The following PDE8B variants were observed in gnomAD, a reference collection of about 807,000 sequenced individuals.
The protein encoded by PDE8B is high affinity cAMP-specific and IBMX-insensitive 3',5'-cyclic phosphodiesterase 8B.
Under a neutral mutation model 101.3 loss-of-function variants are expected in PDE8B, and 26 were observed. The ratio of observed to expected loss-of-function variants is 0.26; its 90% CI spans 0.19 to 0.36. The LOEUF (loss-of-function observed/expected upper bound fraction) is 0.36. Among genes scored for constraint, PDE8B ranks in the 10% least tolerant of loss-of-function variants. The probability of loss-of-function intolerance (pLI) is 1.00; values close to 1 mark genes in which losing one functional copy is unlikely to be tolerated. For synonymous variants in PDE8B, 424 were observed against 429.3 expected (o/e 0.99, Z 0.15); for missense variants, 810 against 1,163.1 (o/e 0.70, Z 4.42).
intron 1 of PDE8B, among the ~76,000 whole-genome samples, chr5:77,241,761 T>C (rs1291257006): frequency 6.6e-6 from 1 of 152,230 alleles, no homozygotes; most frequent in Non-Finnish European, 1.5e-5. Flanking sequence ...TGGGAAAATA[T>C]TAAAGCTGCA....
the PDE8B span, among the ~76,000 whole-genome samples, chr5:77,177,707 T>C: frequency 0.028 from 4,265 of 152,256 alleles, 205 homozygotes; most frequent in African/African-American, 0.098. Flanking sequence ...ACCACAACAG[T>C]AAAACTGACA....
chr5:77,260,724 A>C (rs1760402178), intron 1 of PDE8B, among the ~76,000 whole-genome samples: 1 of 151,332 alleles, frequency 6.6e-6, no homozygotes, highest in South Asian at 2.1e-4. Context: ...AGTAGCTGGG[A>C]TTGCAGGCAT....
chr5:77,290,330 G>C lies in PDE8B; in HGVS notation c.340-21664G>C, dbSNP rs774801314. Reference sequence around the variant, plus strand: ...GGCTGAAAGAGGTGGGGCTCCGAGAGGAAAATGAGGGCGTGTATAATGGAA... The same window carrying C: ...GGCTGAAAGAGGTGGGGCTCCGAGACGAAAATGAGGGCGTGTATAATGGAA... On this transcript the variant is annotated intron_variant, in intron 1 of 21. Coordinates refer to ENST00000264917, the MANE Select transcript of PDE8B (RefSeq NM_003719.5). 8 of 1,483,160 alleles carry C rather than the reference G, an allele frequency of 5.4e-6. No individual in the cohort carries two copies. The Admixed American group carries it at 1.0e-4, about 19-fold the overall frequency. 91.9% of individuals were successfully genotyped at this position (1,483,160 alleles called of 1,614,324 possible). A position where few individuals can be genotyped will look rare whatever the true frequency, so the allele number is the denominator to read the frequency against.
At chr5:77,153,993 A>G in the PDE8B span, among the ~76,000 whole-genome samples, 1 of 152,234 alleles carries the variant, frequency 6.6e-6, no homozygotes, top group Admixed American at 6.5e-5. Context: ...ACCCATCTGT[A>G]TAAGAACCAC....
At chr5:77,135,920 G>A in the PDE8B span, among the ~76,000 whole-genome samples, 2 of 152,098 alleles carry the variant, frequency 1.3e-5, no homozygotes, top group African/African-American at 4.8e-5. Flanking sequence ...AATTTGAGGT[G>A]CCTGGCCTCA....
chr5:77,123,578 C>T, the PDE8B span, among the ~76,000 whole-genome samples: 10 of 152,074 alleles, frequency 6.6e-5, no homozygotes, highest in African/African-American at 9.6e-5. Context: ...GGTAACATGG[C>T]GACATCCTGT....
chr5:77,121,649 A>G, the PDE8B span, among the ~76,000 whole-genome samples: 2 of 152,094 alleles, frequency 1.3e-5, no homozygotes, highest in African/African-American at 4.8e-5. Flanking sequence ...CTGGGACTAC[A>G]GGCGTGCGCC....
At chr5:77,422,085 C>A in intron 20 of PDE8B, 97 bp downstream of exon 20, 2 of 1,297,692 alleles carry the variant, frequency 1.5e-6, no homozygotes, top group South Asian at 1.3e-5. Context: ...AACTTTTTAC[C>A]AATTAGTTAA....
At chr5:77,425,484 C>T (rs997312208) in intron 20 of PDE8B, among the ~76,000 whole-genome samples, 16 of 152,004 alleles carry the variant, frequency 1.1e-4, no homozygotes, top group Admixed American at 5.9e-4. Context: ...ACCTGGGAGG[C>T]GGAGGTTGCA....
chr5:77,395,186 G>A (rs531843299), intron 10 of PDE8B, among the ~76,000 whole-genome samples: 28 of 151,742 alleles, frequency 1.8e-4, no homozygotes, highest in African/African-American at 6.3e-4. Flanking sequence ...GCGCGATCTC[G>A]GCACACTGCA....
intron 1 of PDE8B, among the ~76,000 whole-genome samples, chr5:77,236,235 G>A (rs1754665735): frequency 6.6e-6 from 1 of 152,222 alleles, no homozygotes; most frequent in African/African-American, 2.4e-5. Flanking sequence ...GATGGAATAA[G>A]TGAGAGGGAA....
the PDE8B span, among the ~76,000 whole-genome samples, chr5:77,090,953 T>C: frequency 6.6e-6 from 1 of 152,226 alleles, no homozygotes; most frequent in Admixed American, 6.5e-5. Flanking sequence ...GTGGATCATA[T>C]GGTAGTTCTA....
chr5:77,321,503 C>G (rs1356679508), intron 2 of PDE8B, among the ~76,000 whole-genome samples: 2 of 152,162 alleles, frequency 1.3e-5, no homozygotes, highest in African/African-American at 4.8e-5. Context: ...CTTTATGTCT[C>G]TCTGTTCAAA....
the PDE8B span, among the ~76,000 whole-genome samples, chr5:77,099,782 G>C: frequency 0.22 from 33,340 of 151,798 alleles, 4,406 homozygotes; most frequent in Admixed American, 0.34. Flanking sequence ...GCTAATTTTT[G>C]TATTTTTAGT....
At chr5:77,358,542 T>G in intron 10 of PDE8B, 1 of 603,816 alleles carries the variant, frequency 1.7e-6, no homozygotes, top group Non-Finnish European at 2.1e-6. Context: ...GGAAATTATT[T>G]TGAAAACTAG....
intron 10 of PDE8B, among the ~76,000 whole-genome samples, chr5:77,363,054 A>G (rs1480478686): frequency 6.6e-6 from 1 of 152,220 alleles, no homozygotes; most frequent in Non-Finnish European, 1.5e-5. Context: ...GGAAGAGCCT[A>G]TGTTTTAGTA....
At chr5:77,361,340 ATAAACT>A (rs1331675735) in intron 10 of PDE8B, among the ~76,000 whole-genome samples, 1 of 152,214 alleles carries the variant, frequency 6.6e-6, no homozygotes, top group Non-Finnish European at 1.5e-5. Flanking sequence ...ATAATACAAG[ATAAACT>A]TAAATGTGTA....
intron 1 of PDE8B, among the ~76,000 whole-genome samples, chr5:77,273,657 A>G (rs771652269): frequency 6.6e-6 from 1 of 152,188 alleles, no homozygotes; most frequent in South Asian, 2.1e-4. Context: ...CAGTGGTTCA[A>G]CTTGACCTTG....
chr5:77,100,384 G>A, the PDE8B span: 2 of 152,202 alleles, frequency 1.3e-5, no homozygotes, highest in East Asian at 3.8e-4. Flanking sequence ...AAATGCTTTT[G>A]TGTAAAGGTA....
Sources: gnomAD v4.1 joint callset for allele counts (sites outside exome capture counted in the v4.1 genomes callset) on GRCh38, gnomAD v4.1.1 for gene constraint, MANE v1.5 for transcripts, NCBI Gene and HGNC (gene_info 2026-07-23, HGNC 2026-07-21) for gene names.